Variants in ARHGAP24 observed in about 807,000 individuals in gnomAD.
The protein encoded by ARHGAP24 is Rho GTPase activating protein 24.
In ARHGAP24, 50 loss-of-function variants were observed where a neutral mutation model predicts 76.4. The observed-to-expected ratio is 0.65, with a 90% CI of 0.52 to 0.83. The LOEUF is 0.83. ARHGAP24 is among the 40% of genes least tolerant of loss of function. The pLI, the probability that ARHGAP24 is intolerant of heterozygous loss-of-function variation, is 0.00. For synonymous variants in ARHGAP24, 345 were observed against 323.3 expected (o/e 1.07, Z -0.72); for missense variants, 930 against 914.2 (o/e 1.02, Z -0.22).
intron 3 of ARHGAP24, among the ~76,000 whole-genome samples, chr4:85,835,993 A>C (rs1428039410): frequency 6.6e-6 from 1 of 152,172 alleles, no homozygotes; most frequent in Non-Finnish European, 1.5e-5. Flanking sequence ...TGTAGGTAAG[A>C]ACAGTTTTGG....
At chr4:85,720,322 C>T (rs1724883397) in intron 2 of ARHGAP24, among the ~76,000 whole-genome samples, 1 of 151,922 alleles carries the variant, frequency 6.6e-6, no homozygotes, top group African/African-American at 2.4e-5. Flanking sequence ...AGTGAAGAGG[C>T]ATTTGAAAAA....
intron 1 of ARHGAP24, among the ~76,000 whole-genome samples, chr4:85,565,049 G>A (rs76853622): frequency 1.1e-3 from 158 of 148,158 alleles, no homozygotes; most frequent in African/African-American, 3.7e-3. Flanking sequence ...AAACACATGC[G>A]CATGCTGTCT....
At chr4:85,649,785 C>G (rs1054983043) in intron 2 of ARHGAP24, among the ~76,000 whole-genome samples, 8 of 152,108 alleles carry the variant, frequency 5.3e-5, no homozygotes, top group Admixed American at 5.2e-4. Context: ...TGGACTATAT[C>G]CTGGCACTGT....
At chr4:85,707,703 G>A (rs17010650) in intron 2 of ARHGAP24, among the ~76,000 whole-genome samples, 8 of 152,000 alleles carry the variant, frequency 5.3e-5, no homozygotes, top group Non-Finnish European at 8.8e-5. Flanking sequence ...GGAATGGACC[G>A]CTAATGAACA....
chr4:85,996,990 C>T (rs531343897), intron 9 of ARHGAP24, among the ~76,000 whole-genome samples: 5 of 152,182 alleles, frequency 3.3e-5, no homozygotes, highest in East Asian at 1.9e-4. Flanking sequence ...CTGAGATCTA[C>T]GGTATATTTC....
chr4:85,912,519 G>T (rs1248216625), intron 3 of ARHGAP24, among the ~76,000 whole-genome samples: 2 of 152,142 alleles, frequency 1.3e-5, no homozygotes, highest in African/African-American at 2.4e-5. Flanking sequence ...ATCAGTAGCT[G>T]TCATTTGCTG....
chr4:85,487,469 T>A (rs1723130781), intron 1 of ARHGAP24, among the ~76,000 whole-genome samples: 1 of 107,410 alleles, frequency 9.3e-6, no homozygotes, highest in African/African-American at 3.9e-5. Flanking sequence ...TAAACATATA[T>A]TTATTACATA....
chr4:85,553,135 G>A (rs1200669891), intron 1 of ARHGAP24, among the ~76,000 whole-genome samples: 2 of 152,042 alleles, frequency 1.3e-5, no homozygotes, highest in Non-Finnish European at 2.9e-5. Flanking sequence ...ATTCCTCCCA[G>A]TGGGTTTGTG....
At chr4:85,819,654 C>A (rs1432353197) in intron 3 of ARHGAP24, among the ~76,000 whole-genome samples, 2 of 152,178 alleles carry the variant, frequency 1.3e-5, no homozygotes, top group African/African-American at 4.8e-5. Flanking sequence ...TGCGGTGGCT[C>A]ATGCCTGTAA....
rs143897453 is a variant in ARHGAP24, at chr4:85,835,185, T to C, written c.269-88463T>C. Among the ~76,000 whole-genome samples the C allele has an allele frequency of 7.0e-4, 106 of 152,134 alleles. 1 individual carries two copies. Among genetic ancestry groups the C allele is most frequent in the Admixed American group, 1.7e-3 (26 of 15,276 alleles). ...TCACTCTTGCCGACACCCTTTCAAGTAAGTCTATGCAGGCTTGTTTTTCTC... is the reference window on the plus strand; with the variant it reads ...TCACTCTTGCCGACACCCTTTCAAGCAAGTCTATGCAGGCTTGTTTTTCTC... On this transcript the variant is annotated intron_variant, in intron 3 of 9. Transcript: ENST00000395184.
At chr4:85,599,857 T>G (rs1385996532) in intron 2 of ARHGAP24, among the ~76,000 whole-genome samples, 1 of 152,158 alleles carries the variant, frequency 6.6e-6, no homozygotes, top group African/African-American at 2.4e-5. Flanking sequence ...CAAAATAAAT[T>G]TATTTTATTT....
At chr4:85,510,181 G>C (rs940019953) in intron 1 of ARHGAP24, among the ~76,000 whole-genome samples, 4 of 152,136 alleles carry the variant, frequency 2.6e-5, no homozygotes, top group Non-Finnish European at 4.4e-5. Context: ...ACTTTGCCAA[G>C]ATGAGAAAAA....
chr4:85,563,069 A>T (rs1267978614), intron 1 of ARHGAP24, among the ~76,000 whole-genome samples: 1 of 152,294 alleles, frequency 6.6e-6, no homozygotes, highest in Admixed American at 6.5e-5. Flanking sequence ...AATCAAGTTC[A>T]GTATAAACTG....
Position 85,895,012 on chromosome 4 carries a change from A to AAAAAGC in ARHGAP24, c.269-28632_269-28631insGCAAAA, listed in dbSNP as rs1734095147. On this transcript the variant is annotated intron_variant, in intron 3 of 9. Transcript: ENST00000395184. ...AACAAAACAAAAAGCAAAAAAAAAA[A>AAAAAGC]AAAAAAAAAGAAAAGAAAAGCAGGA... Among the ~76,000 whole-genome samples, 2 of 33,400 alleles carry AAAAAGC rather than the reference A, an allele frequency of 6.0e-5. 1 individual carries two copies. Among genetic ancestry groups the AAAAAGC allele is most frequent in the Non-Finnish European group, 1.6e-4 (2 of 12,778 alleles). 21.9% of individuals were successfully genotyped at this position (33,400 alleles called of 152,430 possible).
At chr4:85,806,167 A>C (rs1454233004) in intron 3 of ARHGAP24, among the ~76,000 whole-genome samples, 1 of 152,148 alleles carries the variant, frequency 6.6e-6, no homozygotes, top group Non-Finnish European at 1.5e-5. Context: ...GTCCCAATTG[A>C]GTATTTTTAC....
At chr4:85,748,929 A>C (rs1419275981) in intron 3 of ARHGAP24, among the ~76,000 whole-genome samples, 2 of 152,150 alleles carry the variant, frequency 1.3e-5, no homozygotes, top group Non-Finnish European at 2.9e-5. Flanking sequence ...CATCTGCATC[A>C]TTCCTGTTTC....
chr4:85,476,120 A>T (rs1722588851), intron 1 of ARHGAP24, among the ~76,000 whole-genome samples: 1 of 150,328 alleles, frequency 6.7e-6, no homozygotes, highest in Non-Finnish European at 1.5e-5. Context: ...TAAACACAAA[A>T]CGTTAGGGAA....
At chr4:85,977,083 C>T (rs931376612) in intron 7 of ARHGAP24, among the ~76,000 whole-genome samples, 3 of 151,966 alleles carry the variant, frequency 2.0e-5, no homozygotes, top group East Asian at 1.9e-4. Context: ...CCACCATGTC[C>T]GGCCTGTATT....
At chr4:85,686,952 A>G (rs1393088534) in intron 2 of ARHGAP24, among the ~76,000 whole-genome samples, 1 of 152,092 alleles carries the variant, frequency 6.6e-6, no homozygotes, top group African/African-American at 2.4e-5. Flanking sequence ...CAATGTAGTA[A>G]TCTTACCATT....
Sources: allele counts gnomAD v4.1 joint callset (sites outside exome capture counted in the v4.1 genomes callset), GRCh38; gene constraint gnomAD v4.1.1; transcripts MANE v1.5; gene names NCBI Gene and HGNC (gene_info 2026-07-23, HGNC 2026-07-21).